HDDC2: variants seen among roughly 807,000 people sequenced by gnomAD.
The protein encoded by HDDC2 is HD domain containing 2.
HDDC2 carries 25 observed loss-of-function variants against 25.5 expected under a neutral mutation model. The ratio of observed to expected loss-of-function variants is 0.98; its 90% CI spans 0.72 to 1.37. The LOEUF (loss-of-function observed/expected upper bound fraction) is 1.37. Ranked by LOEUF, HDDC2 falls within the 40% of genes most tolerant of loss-of-function variation. The pLI is 0.00. For missense variants in HDDC2, 264 were observed against 253.1 expected (o/e 1.04, Z -0.29); for synonymous variants, 106 against 89.7 (o/e 1.18, Z -1.03).
chr6:125,301,767 G>A (rs988732605), intron 1 of HDDC2, 82 bp downstream of exon 1: 20 of 1,042,602 alleles, frequency 1.9e-5, no homozygotes, highest in Non-Finnish European at 2.5e-5. Context: ...AAAGACCGCC[G>A]GCCGAGCGGG....
At chr6:125,286,036 A>T (rs1001591424) in intron 4 of HDDC2, among the ~76,000 whole-genome samples, 5 of 152,214 alleles carry the variant, frequency 3.3e-5, no homozygotes, top group Admixed American at 3.3e-4. Flanking sequence ...ATTCAAGAAA[A>T]GAAACTGGGA....
At chr6:125,287,946 G>A (rs933110796) in intron 4 of HDDC2, among the ~76,000 whole-genome samples, 2 of 152,208 alleles carry the variant, frequency 1.3e-5, no homozygotes, top group African/African-American at 2.4e-5. Flanking sequence ...CCGAAGGCCG[G>A]CTGTGACCTT....
At chr6:125,287,685 T>C (rs1035839768) in intron 4 of HDDC2, among the ~76,000 whole-genome samples, 11 of 150,200 alleles carry the variant, frequency 7.3e-5, no homozygotes, top group African/African-American at 2.7e-4. Context: ...ACAGGAGGGG[T>C]GTGGAGAGAA....
At chr6:125,286,474 A>G (rs1798537218) in intron 4 of HDDC2, among the ~76,000 whole-genome samples, 1 of 152,224 alleles carries the variant, frequency 6.6e-6, no homozygotes, top group Non-Finnish European at 1.5e-5. Context: ...ATGAGTATTT[A>G]TAGAACTTTC....
At chr6:125,298,572 C>T (rs1798743171) in intron 3 of HDDC2, 142 bp downstream of exon 3, 1 of 649,774 alleles carries the variant, frequency 1.5e-6, no homozygotes, top group East Asian at 2.7e-5. Context: ...AAATATCTTC[C>T]CCTGACCTTC....
intron 4 of HDDC2, among the ~76,000 whole-genome samples, chr6:125,282,417 G>A (rs1360789423): frequency 6.6e-6 from 1 of 151,706 alleles, no homozygotes; most frequent in East Asian, 1.9e-4. Context: ...GCCAAACTAA[G>A]CTTCATAAGT....
At chr6:125,288,041 C>T (rs898108964) in intron 4 of HDDC2, among the ~76,000 whole-genome samples, 1 of 152,134 alleles carries the variant, frequency 6.6e-6, no homozygotes, top group Non-Finnish European at 1.5e-5. Context: ...GAACTCCTCA[C>T]CTGTTTAGTG....
intron 4 of HDDC2, among the ~76,000 whole-genome samples, chr6:125,283,324 G>A (rs1798487062): frequency 1.3e-5 from 2 of 152,158 alleles, no homozygotes; most frequent in African/African-American, 4.8e-5. Context: ...AGGGCAATCA[G>A]GCAAGAGAAA....
chr6:125,296,741 G>C (rs1798710719), intron 3 of HDDC2, among the ~76,000 whole-genome samples: 1 of 152,174 alleles, frequency 6.6e-6, no homozygotes, highest in Non-Finnish European at 1.5e-5. Flanking sequence ...GGCTGGAAAG[G>C]TTTTTCATCA....
chr6:125,300,552 A>C lies in HDDC2; in HGVS notation c.192T>G (p.Arg64=). Residue 64 remains arginine (R), a synonymous_variant, in exon 2 of 6, where the codon CGT becomes CGG. Transcript: ENST00000398153. ...AVMAMVIKDD[R]LNKDRCVRLA... ...GCTCAGCTTACCGGTCTTTGTTAAG[A>C]CGGTCATCTTTGATCACCATAGCCA... 6.2e-7 allele frequency: 1 copy of C among 1,613,962 alleles called. No individual in the cohort carries two copies. The highest frequency in any genetic ancestry group is 8.5e-7 in the Non-Finnish European group (1 of 1,179,952).
In HDDC2 at chr6:125,277,242, TAAGTA is replaced by T. The variant is rs948562492; in HGVS notation, c.379-7_379-3del. 3 of 1,613,914 alleles carry T rather than the reference TAAGTA, an allele frequency of 1.9e-6. No individual in the cohort carries two copies. The highest frequency in any genetic ancestry group is 4.5e-5 in the East Asian group (2 of 44,870). ...TGCACTAGATTGGGTCTCGTACTCCTAAGTAAAGGGACAATTAAAGCAGCATGATT... is the reference window on the plus strand; with the variant it reads ...TGCACTAGATTGGGTCTCGTACTCCTAAGGGACAATTAAAGCAGCATGATT... On this transcript the variant is annotated splice_region_variant and splice_polypyrimidine_tract_variant and intron_variant, in intron 4 of 5. Transcript: ENST00000398153.
intron 4 of HDDC2, among the ~76,000 whole-genome samples, chr6:125,279,944 C>A (rs1024004862): frequency 6.6e-6 from 1 of 152,288 alleles, no homozygotes; most frequent in Non-Finnish European, 1.5e-5. Flanking sequence ...ATGAGATTCC[C>A]GGGCAAGATG....
At position 125,300,767 on chromosome 6, in the gene HDDC2, T is replaced by C; in HGVS notation, c.85-108A>G. Reference sequence around the variant, plus strand: ...TAACACACAGAAGCCGGGTCATAATTTCAGAACCTATTACAAAATGTTTTG... The same window carrying C: ...TAACACACAGAAGCCGGGTCATAATCTCAGAACCTATTACAAAATGTTTTG... On this transcript the variant is annotated intron_variant, in intron 1 of 5. Coordinates refer to ENST00000398153, the MANE Select transcript of HDDC2 (RefSeq NM_016063.3). The C allele has an allele frequency of 3.6e-6, 4 of 1,117,084 alleles. No homozygotes were observed. The South Asian group carries it at 4.9e-5, about 14-fold the overall frequency. The allele number at this position is 1,117,084 out of a possible 1,614,324, so 69.2% of individuals were successfully genotyped here.
chr6:125,286,942 T>A (rs1477487489), intron 4 of HDDC2, among the ~76,000 whole-genome samples: 1 of 152,194 alleles, frequency 6.6e-6, no homozygotes, highest in Non-Finnish European at 1.5e-5. Flanking sequence ...GAAAAACTAG[T>A]CATTATGTGG....
chr6:125,284,964 C>T (rs1798509155), intron 4 of HDDC2, among the ~76,000 whole-genome samples: 1 of 152,134 alleles, frequency 6.6e-6, no homozygotes, highest in Admixed American at 6.5e-5. Context: ...TACATATACA[C>T]CATGGAATAC....
At chr6:125,296,782 A>C (rs1798711316) in intron 3 of HDDC2, among the ~76,000 whole-genome samples, 1 of 152,220 alleles carries the variant, frequency 6.6e-6, no homozygotes, top group African/African-American at 2.4e-5. Context: ...AGAAGGCAGC[A>C]GTATCCTCTC....
chr6:125,279,411 G>A (rs1026745510), intron 4 of HDDC2: 1 of 152,078 alleles, frequency 6.6e-6, no homozygotes, highest in Non-Finnish European at 1.5e-5. Flanking sequence ...GAAGGGGAAC[G>A]AAACCAGGAG....
chr6:125,290,020 T>G (rs745886226), intron 4 of HDDC2, among the ~76,000 whole-genome samples: 8 of 152,242 alleles, frequency 5.3e-5, no homozygotes, highest in Non-Finnish European at 7.3e-5. Flanking sequence ...ATCAAGGATG[T>G]TTAATGGCTG....
chr6:125,285,360 A>C (rs1485215207), intron 4 of HDDC2, among the ~76,000 whole-genome samples: 1 of 152,322 alleles, frequency 6.6e-6, no homozygotes. Flanking sequence ...CAATATAAGA[A>C]CAGTGAAATG....
Sources: allele counts gnomAD v4.1 joint callset (sites outside exome capture counted in the v4.1 genomes callset), GRCh38; gene constraint gnomAD v4.1.1; transcripts MANE v1.5; gene names NCBI Gene and HGNC (gene_info 2026-07-23, HGNC 2026-07-21).